The following TBC1D9B variants were observed in gnomAD, a reference collection of about 807,000 sequenced individuals.
The protein encoded by TBC1D9B is TBC1 domain family, member 9B (with GRAM domain).
In TBC1D9B, 87 loss-of-function variants were observed where a neutral mutation model predicts 121.1. That is an observed-to-expected ratio of 0.72 (90% confidence interval 0.60 to 0.86). TBC1D9B has a LOEUF of 0.86. Ranked by LOEUF, TBC1D9B falls within the 40% of genes least tolerant of loss-of-function variation. The pLI is 0.00. For synonymous variants in TBC1D9B, 668 were observed against 670.1 expected (o/e 1.00, Z 0.05); for missense variants, 1,540 against 1,628.6 (o/e 0.95, Z 0.94).
In TBC1D9B at chr5:179,891,512, C is replaced by T; in HGVS notation, c.911G>A (p.Gly304Asp). 6.2e-7 allele frequency: 1 copy of T among 1,614,102 alleles called. No individual in the cohort carries two copies. The highest frequency in any genetic ancestry group is 1.3e-5 in the African/African-American group (1 of 75,040). The stretch of plus-strand genomic sequence containing the variant: ...CGTCCACAGGGTGCAGCTTGTGTGG[C>T]CGTCTAGCCGCTCATCCCTGGGCAG... The part of the protein sequence containing the change: ...FRLPRDERLD[G>D]HTSCTLWTPF... The change falls in exon 6 of 21, where the codon GGC (glycine) becomes GAC (aspartate). Residue 304 changes from glycine to aspartate, a missense_variant. Coordinates refer to ENST00000355235, the MANE Select transcript of TBC1D9B (RefSeq NM_015043.4). The surrounding 1 kb of genome is among the most constrained non-coding windows in gnomAD (Gnocchi z 4.3).
rs1760916685 is a variant in TBC1D9B at position 179,893,287 on chromosome 5, A to G, written c.758T>C (p.Leu253Pro). 1 of 1,613,890 alleles carries G rather than the reference A, an allele frequency of 6.2e-7. No homozygotes were observed. The highest frequency in any genetic ancestry group is 8.5e-7 in the Non-Finnish European group (1 of 1,180,032). ...QLANLAMRQL[L>P]DSEGFLEDKA... The stretch of plus-strand genomic sequence containing the variant: ...GTCCTCCAGGAAGCCCTCGCTGTCC[A>G]GCAGCTGCCGCATGGCCAGGTTGGC... The change falls in exon 5 of 21, where the codon CTG becomes CCG. Residue 253 changes from leucine (L) to proline (P), a missense_variant. Coordinates refer to ENST00000355235, the MANE Select transcript of TBC1D9B (RefSeq NM_015043.4).
chr5:179,892,518 T>C (rs1314801882), intron 5 of TBC1D9B, among the ~76,000 whole-genome samples: 1 of 152,170 alleles, frequency 6.6e-6, no homozygotes, highest in African/African-American at 2.4e-5. Flanking sequence ...TCCCATAAGC[T>C]ACAACCTAGG....
At chr5:179,880,509 G>A (rs867085795) in intron 7 of TBC1D9B, among the ~76,000 whole-genome samples, 9 of 152,118 alleles carry the variant, frequency 5.9e-5, no homozygotes, top group Non-Finnish European at 8.8e-5. Flanking sequence ...CTCTGGTCCC[G>A]TGGCCACGGT....
intron 4 of TBC1D9B, among the ~76,000 whole-genome samples, chr5:179,893,788 A>G (rs1760940425): frequency 1.3e-5 from 2 of 152,062 alleles, no homozygotes; most frequent in African/African-American, 2.4e-5. Flanking sequence ...AGGTGTGAAC[A>G]GTCACAGCAC....
chr5:179,880,339 G>C (rs1278055265), intron 7 of TBC1D9B, among the ~76,000 whole-genome samples: 2 of 152,262 alleles, frequency 1.3e-5, no homozygotes, highest in African/African-American at 4.8e-5. Flanking sequence ...ACCGGCCTGA[G>C]AGTGATGCTG....
chr5:179,904,683 C>T lies in TBC1D9B; in HGVS notation c.229+19G>A. The T allele has an allele frequency of 1.9e-6, 3 of 1,551,750 alleles. No individual in the cohort carries two copies. Among genetic ancestry groups the T allele is most frequent in the Non-Finnish European group, 1.7e-6 (2 of 1,147,126 alleles). ...AGGGCAGGCCCTGCCCAGCACCCCT[C>T]ACCACTCAGGGCACCTACCACACGC... On this transcript the variant is annotated intron_variant, in intron 2 of 20. Coordinates refer to ENST00000355235, the MANE Select transcript of TBC1D9B (RefSeq NM_015043.4). The surrounding 1 kb of genome is among the most constrained non-coding windows in gnomAD (Gnocchi z 4.2).
At chr5:179,869,386 G>A (rs999431205) in intron 17 of TBC1D9B, 1 of 376,912 alleles carries the variant, frequency 2.7e-6, no homozygotes, top group Non-Finnish European at 5.3e-6. Context: ...CATGTGACAG[G>A]ATTCTCTAGC....
intron 3 of TBC1D9B, 130 bp downstream of exon 3, chr5:179,899,059 C>T (rs967801880): frequency 8.6e-6 from 6 of 700,044 alleles, no homozygotes; most frequent in African/African-American, 1.8e-5. Context: ...AGAGAAGGAG[C>T]GCTGACACTT....
At chr5:179,899,339 T>A (rs1379914482) in intron 2 of TBC1D9B, 32 bp from the exon 3 acceptor site, 1 of 1,586,170 alleles carries the variant, frequency 6.3e-7, no homozygotes. Flanking sequence ...AAAAGAAAAA[T>A]CATGAATTCC....
chr5:179,867,291 G>A, intron 18 of TBC1D9B: 1 of 821,920 alleles, frequency 1.2e-6, no homozygotes, highest in Non-Finnish European at 1.9e-6. Context: ...AGGCGGTGCA[G>A]AGGAGTGGCT....
chr5:179,864,172 C>G lies in TBC1D9B; in HGVS notation c.3022-44G>C, dbSNP rs369510248. Reference sequence around the variant, plus strand: ...GAAGAACAGGGAGATGGTAAAAGACCAGTCAGACGGGGTCCATATTAGCCA... The same window carrying G: ...GAAGAACAGGGAGATGGTAAAAGACGAGTCAGACGGGGTCCATATTAGCCA... On this transcript the variant is annotated intron_variant, in intron 20 of 20. Transcript: ENST00000355235. 1.8e-4 allele frequency: 280 copies of G among 1,532,736 alleles called. No individual in the cohort carries two copies. In the Middle Eastern group the frequency reaches 1.9e-3, roughly 10 times the overall value. 94.9% of individuals were successfully genotyped at this position (1,532,736 alleles called of 1,614,324 possible).
At chr5:179,892,485 G>A (rs1760894501) in intron 5 of TBC1D9B, among the ~76,000 whole-genome samples, 1 of 152,230 alleles carries the variant, frequency 6.6e-6, no homozygotes, top group Admixed American at 6.5e-5. Context: ...GAACCTCAGA[G>A]ATCTTGTCCA....
In TBC1D9B at chr5:179,885,551, T is replaced by G. The variant is rs887075835; in HGVS notation, c.1254+2552A>C. On this transcript the variant is annotated intron_variant, in intron 7 of 20. Transcript: ENST00000355235. The surrounding 1 kb of genome is among the most constrained non-coding windows in gnomAD (Gnocchi z 4.5). ...ATGCAGTGAGCCAAGACTGCCCCAC[T>G]GCACTCCAGCCTAGGTGACAGAGCA... Among the ~76,000 whole-genome samples the G allele has an allele frequency of 6.6e-6, 1 of 151,548 alleles. No individual in the cohort carries two copies. The highest frequency in any genetic ancestry group is 1.5e-5 in the Non-Finnish European group (1 of 67,948).
chr5:179,884,460 C>T (rs982445498), intron 7 of TBC1D9B: 7 of 152,132 alleles, frequency 4.6e-5, no homozygotes, highest in East Asian at 1.9e-4. Flanking sequence ...GAGCATAGCA[C>T]GGAGGTTCCT....
rs1007998976 is a variant in TBC1D9B at position 179,863,298 on chromosome 5, C to T, written c.*150G>A. On this transcript the variant is annotated 3_prime_UTR_variant, in exon 21 of 21. Coordinates refer to ENST00000355235, the MANE Select transcript of TBC1D9B (RefSeq NM_015043.4). The surrounding 1 kb of genome is among the most constrained non-coding windows in gnomAD (Gnocchi z 4.5). ...AATCTGTCTAAGGCAGCTGGGTCTG[C>T]ACCAGCCTTCTTTCCACTCACAACT... is the stretch of plus-strand genomic sequence containing the variant. 3 of 919,748 alleles carry T rather than the reference C, an allele frequency of 3.3e-6. No homozygotes were observed. Among genetic ancestry groups the T allele is most frequent in the South Asian group, 1.8e-5 (1 of 56,922 alleles). The allele number at this position is 919,748 out of a possible 1,614,324, so 57.0% of individuals were successfully genotyped here.
chr5:179,872,184 G>C (rs1186901565), intron 14 of TBC1D9B: 1 of 156,200 alleles, frequency 6.4e-6, no homozygotes, highest in African/African-American at 2.4e-5. Context: ...GATGGGCGTG[G>C]GGGAGCCTCT....
chr5:179,865,347 G>A lies in TBC1D9B; in HGVS notation c.2928C>T (p.Thr976=), dbSNP rs965059416. The A allele has an allele frequency of 1.1e-5, 17 of 1,614,030 alleles. No homozygotes were observed. The highest frequency in any genetic ancestry group is 1.4e-5 in the Non-Finnish European group (17 of 1,180,026). The stretch of plus-strand genomic sequence containing the variant: ...GGTAGTGCCGATAGTCCGGAGAGCT[G>A]GTCCCCTTCTCCTCTGCAGGTTAGG... The part of the protein sequence containing the change: ...GSEERGEEKG[T]SSPDYRHYLR... The change falls in exon 20 of 21, where the codon ACC becomes ACT. Residue 976 remains threonine (T), a synonymous_variant. Coordinates refer to ENST00000355235, the MANE Select transcript of TBC1D9B (RefSeq NM_015043.4). This position sits in a 1 kb window ranked among gnomAD's most constrained non-coding sequence, Gnocchi z 5.1.
chr5:179,865,267 GGAA>G lies in TBC1D9B; in HGVS notation c.3005_3007del (p.Leu1002del). 1 of 1,614,116 alleles carries G rather than the reference GGAA, an allele frequency of 6.2e-7. No homozygotes were observed. The highest frequency in any genetic ancestry group is 1.1e-5 in the South Asian group (1 of 91,090). On this transcript the variant is annotated inframe_deletion, in exon 20 of 21. Transcript: ENST00000355235. The surrounding 1 kb of genome is among the most constrained non-coding windows in gnomAD (Gnocchi z 5.1). ...AGTGGAGCCTACCTGGTTCATCTTG[GGAA>G]GATCCTTAATCGTCTCCTTCTGAGC...
chr5:179,867,355 G>A (rs1760043102), intron 18 of TBC1D9B: 1 of 1,360,364 alleles, frequency 7.4e-7, no homozygotes, highest in African/African-American at 1.5e-5. Flanking sequence ...TCCCAGAGAG[G>A]TCCCTGGGAC....
Sources: allele counts gnomAD v4.1 joint callset (sites outside exome capture counted in the v4.1 genomes callset), GRCh38; gene constraint gnomAD v4.1.1; non-coding constraint Gnocchi (gnomAD v3.1); transcripts MANE v1.5; gene names NCBI Gene and HGNC (gene_info 2026-07-23, HGNC 2026-07-21).